The following PPP1R9A variants were observed in gnomAD, a reference collection of about 807,000 sequenced individuals.
The protein encoded by PPP1R9A is neurabin-1.
A neutral mutation model predicts 141.9 loss-of-function variants in PPP1R9A; 59 were observed. The observed-to-expected ratio is 0.42, with a 90% CI of 0.34 to 0.52. PPP1R9A has a LOEUF of 0.52. PPP1R9A is among the 20% of genes least tolerant of loss of function. PPP1R9A has a pLI of 0.10. For missense variants in PPP1R9A, 1,444 were observed against 1,611.9 expected (o/e 0.90, Z 1.78); for synonymous variants, 500 against 569.7 (o/e 0.88, Z 1.74).
chr7:94,971,671 C>T (rs762075157), intron 2 of PPP1R9A, among the ~76,000 whole-genome samples: 1 of 152,090 alleles, frequency 6.6e-6, no homozygotes, highest in East Asian at 1.9e-4. Context: ...GGAGTGTTTG[C>T]ATGTGATTGC....
intron 7 of PPP1R9A, among the ~76,000 whole-genome samples, chr7:95,209,810 C>T (rs1482873985): frequency 1.3e-5 from 2 of 152,150 alleles, no homozygotes; most frequent in Admixed American, 6.5e-5. Flanking sequence ...CATTCAATTA[C>T]TTGTACAATT....
At chr7:95,281,824 T>A (rs1804286254) in intron 16 of PPP1R9A, among the ~76,000 whole-genome samples, 1 of 152,208 alleles carries the variant, frequency 6.6e-6, no homozygotes, top group African/African-American at 2.4e-5. Context: ...TAAAACAATA[T>A]CCATATATTT....
At chr7:95,189,418 G>A (rs1486352730) in intron 5 of PPP1R9A, among the ~76,000 whole-genome samples, 2 of 150,982 alleles carry the variant, frequency 1.3e-5, no homozygotes, top group Non-Finnish European at 2.9e-5. Context: ...AAATTTTTTG[G>A]AGGGTTTGTT....
intron 18 of PPP1R9A, chr7:95,287,147 G>A (rs759427698): frequency 5.0e-6 from 8 of 1,612,646 alleles, no homozygotes; most frequent in East Asian, 2.2e-5. Context: ...AGCTATCAGT[G>A]GGCTGTGTGT....
intron 16 of PPP1R9A, among the ~76,000 whole-genome samples, chr7:95,279,751 T>C (rs535515268): frequency 6.6e-6 from 1 of 152,364 alleles, no homozygotes; most frequent in Admixed American, 6.5e-5. Flanking sequence ...ATCATTAAAA[T>C]GAGTTTAACA....
At position 95,120,781 on chromosome 7, in the gene PPP1R9A, G is replaced by C; in HGVS notation, c.1598G>C (p.Gly533Ala). ...GCAGATGCTGGACTTGAAAAGCTGG[G>C]AATATTCGTCAAGACAGTAACAGAA... ...VGADAGLEKL[G>A]IFVKTVTEGG... Residue 533 changes from glycine to alanine, a missense_variant, in exon 4 of 20, where the codon GGA (glycine) becomes GCA (alanine). Physicochemically the swap from Gly to Ala is moderately conservative, Grantham distance 60. Transcript: ENST00000433360. 1 of 1,614,064 alleles carries C rather than the reference G, an allele frequency of 6.2e-7. No homozygotes were observed. The highest frequency in any genetic ancestry group is 8.5e-7 in the Non-Finnish European group (1 of 1,179,978).
chr7:95,258,706 A>G (rs1235668798), intron 12 of PPP1R9A, among the ~76,000 whole-genome samples: 2 of 152,194 alleles, frequency 1.3e-5, no homozygotes, highest in East Asian at 1.9e-4. Flanking sequence ...GGCAAAACGC[A>G]TAAGAAGTTC....
intron 2 of PPP1R9A, among the ~76,000 whole-genome samples, chr7:95,052,205 T>G (rs1051322598): frequency 2.6e-5 from 4 of 152,176 alleles, no homozygotes; most frequent in Admixed American, 2.6e-4. Context: ...AGTAATGGGC[T>G]TAATGTCAGG....
chr7:95,206,065 A>T (rs1336957380), intron 7 of PPP1R9A, among the ~76,000 whole-genome samples: 1 of 152,210 alleles, frequency 6.6e-6, no homozygotes, highest in Non-Finnish European at 1.5e-5. Flanking sequence ...TTTTAGTCAT[A>T]ACTGAATAAA....
At chr7:95,048,047 G>A (rs1810277801) in intron 2 of PPP1R9A, among the ~76,000 whole-genome samples, 1 of 152,104 alleles carries the variant, frequency 6.6e-6, no homozygotes, top group South Asian at 2.1e-4. Context: ...AACAGAATAA[G>A]AAAACTTCAT....
In PPP1R9A at chr7:95,160,357, TA is replaced by T. The variant is rs1830292659; in HGVS notation, c.1650-1509del. On this transcript the variant is annotated intron_variant, in intron 4 of 19. Coordinates refer to ENST00000433360, the MANE Select transcript of PPP1R9A (RefSeq NM_001166160.2). ...CAAAGCATATTTCATCTGGATCTCT[TA>T]TGTTTTATGTACAGTTATTAAGGAC... Among the ~76,000 whole-genome samples, 7 of 152,254 alleles carry T rather than the reference TA, an allele frequency of 4.6e-5. No homozygotes were observed. In the South Asian group the frequency reaches 1.4e-3, roughly 32 times the overall value.
chr7:95,229,805 AC>A lies in PPP1R9A; in HGVS notation c.2112+3693del, dbSNP rs758519000. On this transcript the variant is annotated intron_variant, in intron 8 of 19. Transcript: ENST00000433360. ...GGCAAATTTGCATCCTCCCTATAGG[AC>A]CCCAGCTCATGTGCTCTTGAAAGTG... 2.6e-5 allele frequency among the ~76,000 whole-genome samples: 4 copies of A among 152,116 alleles called. No homozygotes were observed. The South Asian group carries it at 6.2e-4, about 24-fold the overall frequency.
intron 12 of PPP1R9A, among the ~76,000 whole-genome samples, chr7:95,262,145 G>C (rs1213079219): frequency 6.6e-6 from 1 of 152,098 alleles, no homozygotes; most frequent in Non-Finnish European, 1.5e-5. Context: ...AACCCTGAGT[G>C]AAAACACAGA....
chr7:95,209,665 C>G (rs2152905160), intron 7 of PPP1R9A, among the ~76,000 whole-genome samples: 1 of 152,256 alleles, frequency 6.6e-6, no homozygotes, highest in South Asian at 2.1e-4. Flanking sequence ...GTAATACCAC[C>G]AATGACATTT....
At chr7:95,192,611 T>C (rs962940591) in intron 5 of PPP1R9A, among the ~76,000 whole-genome samples, 2 of 152,040 alleles carry the variant, frequency 1.3e-5, no homozygotes, top group Admixed American at 1.3e-4. Context: ...ATAATATTTG[T>C]TCTGGTTAGT....
chr7:95,033,171 ATT>A (rs10709825), intron 2 of PPP1R9A, among the ~76,000 whole-genome samples: 131 of 103,862 alleles, frequency 1.3e-3, no homozygotes, highest in Admixed American at 3.5e-3. Flanking sequence ...TGCCTGGCTA[ATT>A]TTTTTTTTTT....
chr7:95,015,199 T>G (rs559147214), intron 2 of PPP1R9A, among the ~76,000 whole-genome samples: 32 of 149,912 alleles, frequency 2.1e-4, no homozygotes, highest in African/African-American at 7.6e-4. Context: ...AAACATAAAA[T>G]ATATATGTAC....
intron 5 of PPP1R9A, among the ~76,000 whole-genome samples, chr7:95,171,127 A>G (rs1832045748): frequency 6.6e-6 from 1 of 151,578 alleles, no homozygotes; most frequent in South Asian, 2.1e-4. Flanking sequence ...TAATTATAAA[A>G]GTACTTTATC....
intron 8 of PPP1R9A, among the ~76,000 whole-genome samples, chr7:95,231,547 C>A (rs1372082929): frequency 6.6e-6 from 1 of 152,084 alleles, no homozygotes; most frequent in Non-Finnish European, 1.5e-5. Flanking sequence ...ATCTCAAGTT[C>A]TCTAAGACCA....
Sources: allele counts gnomAD v4.1 joint callset (sites outside exome capture counted in the v4.1 genomes callset), GRCh38; gene constraint gnomAD v4.1.1; transcripts MANE v1.5; gene names NCBI Gene and HGNC (gene_info 2026-07-23, HGNC 2026-07-21).